Variants in RPS6KC1 observed in about 807,000 individuals in gnomAD.
RPS6KC1 encodes inactive ribosomal protein S6 kinase delta-1.
A neutral mutation model predicts 103.8 loss-of-function variants in RPS6KC1; 54 were observed. The ratio of observed to expected loss-of-function variants is 0.52; its 90% confidence interval spans 0.42 to 0.65. The LOEUF (loss-of-function observed/expected upper bound fraction) is 0.65, where lower values mean the gene tolerates loss of function less well. Among genes scored for constraint, RPS6KC1 ranks in the 30% least tolerant of loss-of-function variants. RPS6KC1 has a pLI of 0.00. For synonymous variants in RPS6KC1, 439 were observed against 438.7 expected, an observed-to-expected ratio of 1.00 and a Z score of -0.01; for missense variants, 1,151 against 1,253.8, an observed-to-expected ratio of 0.92 and a Z score of 1.24.
chr1:213,596,598 G>A, the RPS6KC1 span, among the ~76,000 whole-genome samples: 1 of 152,218 alleles, frequency 6.6e-6, no homozygotes, highest in African/African-American at 2.4e-5. Flanking sequence ...CAGTAAGTGG[G>A]CTCCTGGTTT....
intron 8 of RPS6KC1, among the ~76,000 whole-genome samples, chr1:213,191,849 G>T (rs926772617): frequency 6.6e-6 from 1 of 151,514 alleles, no homozygotes; most frequent in African/African-American, 2.4e-5. Context: ...TTGCTCTGTC[G>T]CTCGGCTGGA....
chr1:213,593,239 GA>G, the RPS6KC1 span, among the ~76,000 whole-genome samples: 118,834 of 148,094 alleles, frequency 0.8, 47,725 homozygotes, highest in East Asian at 0.97. Context: ...GAATTTCAAT[GA>G]AAAAAAAAAA....
chr1:213,390,834 G>A, the RPS6KC1 span, among the ~76,000 whole-genome samples: 1 of 152,108 alleles, frequency 6.6e-6, no homozygotes, highest in Non-Finnish European at 1.5e-5. Flanking sequence ...GATTGACCTT[G>A]ATCTTTATTT....
the RPS6KC1 span, among the ~76,000 whole-genome samples, chr1:213,336,494 A>G: frequency 1.3e-5 from 2 of 152,202 alleles, no homozygotes; most frequent in African/African-American, 2.4e-5. Flanking sequence ...ATGATGGGGT[A>G]TGTTTACTTA....
chr1:213,423,814 G>T, the RPS6KC1 span, among the ~76,000 whole-genome samples: 1 of 152,186 alleles, frequency 6.6e-6, no homozygotes, highest in South Asian at 2.1e-4. Flanking sequence ...GGCGGGAGGA[G>T]GGGGCATGGG....
At chr1:213,480,923 G>C in the RPS6KC1 span, among the ~76,000 whole-genome samples, 1 of 152,018 alleles carries the variant, frequency 6.6e-6, no homozygotes, top group Non-Finnish European at 1.5e-5. Context: ...ATTCATATGG[G>C]GTATTATATT....
intron 8 of RPS6KC1, among the ~76,000 whole-genome samples, chr1:213,229,142 T>C (rs2094028213): frequency 1.3e-5 from 2 of 152,168 alleles, no homozygotes; most frequent in South Asian, 4.1e-4. Context: ...GTGAGAATAT[T>C]GTATTGAAAT....
intron 1 of RPS6KC1, among the ~76,000 whole-genome samples, chr1:213,054,395 A>G (rs1019813662): frequency 6.6e-6 from 1 of 152,246 alleles, no homozygotes; most frequent in East Asian, 1.9e-4. Context: ...ACGTGGAGAC[A>G]TACTTTTAAA....
intron 7 of RPS6KC1, among the ~76,000 whole-genome samples, chr1:213,168,651 C>T (rs1254664542): frequency 6.6e-6 from 1 of 151,552 alleles, no homozygotes; most frequent in East Asian, 1.9e-4. Flanking sequence ...GAAACGGAGT[C>T]TCACTCTGTC....
chr1:213,643,382 ATATCT>A, the RPS6KC1 span, among the ~76,000 whole-genome samples: 1 of 151,636 alleles, frequency 6.6e-6, no homozygotes, highest in African/African-American at 2.4e-5. Context: ...ATCTACCTAG[ATATCT>A]TATAGTTTCA....
chr1:213,755,460 T>C, the RPS6KC1 span, among the ~76,000 whole-genome samples: 33 of 152,194 alleles, frequency 2.2e-4, no homozygotes, highest in Non-Finnish European at 4.4e-4. Context: ...CACTTTAGTA[T>C]TGCAAATGTG....
At chr1:213,563,928 A>G in the RPS6KC1 span, among the ~76,000 whole-genome samples, 7 of 147,036 alleles carry the variant, frequency 4.8e-5, no homozygotes, top group African/African-American at 1.7e-4. Context: ...TTATTTGCTT[A>G]CCATTTATTT....
the RPS6KC1 span, among the ~76,000 whole-genome samples, chr1:213,777,672 C>T: frequency 6.6e-6 from 1 of 152,184 alleles, no homozygotes; most frequent in Non-Finnish European, 1.5e-5. Flanking sequence ...GTCTGCAAAT[C>T]TCAGTAAAGC....
chr1:213,565,381 A>G, the RPS6KC1 span, among the ~76,000 whole-genome samples: 1 of 152,352 alleles, frequency 6.6e-6, no homozygotes, highest in African/African-American at 2.4e-5. Context: ...CACCAGCAGG[A>G]TGGATGAATA....
At chr1:213,231,791 G>A (rs1200106131) in intron 9 of RPS6KC1, among the ~76,000 whole-genome samples, 1 of 152,146 alleles carries the variant, frequency 6.6e-6, no homozygotes, top group African/African-American at 2.4e-5. Context: ...TAAAGATATA[G>A]ATAAGTAAAA....
At chr1:213,510,691 C>G in the RPS6KC1 span, among the ~76,000 whole-genome samples, 2 of 152,174 alleles carry the variant, frequency 1.3e-5, no homozygotes, top group Admixed American at 6.5e-5. Context: ...GAAACCATTT[C>G]ACTGTTTGAC....
chr1:213,614,973 G>A, the RPS6KC1 span, among the ~76,000 whole-genome samples: 23 of 152,190 alleles, frequency 1.5e-4, no homozygotes, highest in African/African-American at 5.1e-4. Flanking sequence ...ACCTCCCAAA[G>A]TGTTGGGATT....
the RPS6KC1 span, among the ~76,000 whole-genome samples, chr1:213,813,077 C>T: frequency 6.6e-6 from 1 of 151,980 alleles, no homozygotes; most frequent in Admixed American, 6.6e-5. Context: ...ATGGTGAAAC[C>T]CCGTCTCTAC....
At chr1:213,306,170 GA>G in the RPS6KC1 span, among the ~76,000 whole-genome samples, 16 of 152,306 alleles carry the variant, frequency 1.1e-4, no homozygotes, top group African/African-American at 3.8e-4. Context: ...TGAGAGTACA[GA>G]AAGTTAAGCA....
Sources: allele counts gnomAD v4.1 joint callset (sites outside exome capture counted in the v4.1 genomes callset), GRCh38; gene constraint gnomAD v4.1.1; transcripts MANE v1.5; gene names NCBI Gene and HGNC (gene_info 2026-07-23, HGNC 2026-07-21).